Variants in EIF4G3 observed in about 807,000 individuals in gnomAD.
EIF4G3 encodes the protein eukaryotic translation initiation factor 4 gamma 3.
Under a neutral mutation model 186.4 loss-of-function variants are expected in EIF4G3, and 34 were observed. The ratio of observed to expected loss-of-function variants is 0.18; its 90% CI spans 0.14 to 0.24. The LOEUF (loss-of-function observed/expected upper bound fraction) is 0.24. Ranked by LOEUF, EIF4G3 falls within the 10% of genes least tolerant of loss-of-function variation. The pLI is 1.00. For missense variants in EIF4G3, 1,536 were observed against 1,948.5 expected, an observed-to-expected ratio of 0.79 and a Z score of 3.99; for synonymous variants, 673 against 679.5, an observed-to-expected ratio of 0.99 and a Z score of 0.15.
At chr1:21,006,653 C>T (rs1430351417) in intron 4 of EIF4G3, among the ~76,000 whole-genome samples, 4 of 152,152 alleles carry the variant, frequency 2.6e-5, no homozygotes, top group Non-Finnish European at 5.9e-5. Context: ...CCAATGAGAA[C>T]AGTCCTTATG....
intron 3 of EIF4G3, among the ~76,000 whole-genome samples, chr1:21,061,747 T>G (rs1261711265): frequency 2.0e-5 from 3 of 151,392 alleles, no homozygotes; most frequent in Non-Finnish European, 2.9e-5. Flanking sequence ...GCTTGTTTTT[T>G]TTTTTTTTTT....
At chr1:21,025,692 C>T (rs6694455) in intron 4 of EIF4G3, among the ~76,000 whole-genome samples, 66,335 of 151,948 alleles carry the variant, frequency 0.44, 14,827 homozygotes, top group Non-Finnish European at 0.47. Flanking sequence ...TTTTTTCTCT[C>T]AAGGCTTCTG....
At chr1:21,086,201 T>TG (rs1485560718) in intron 3 of EIF4G3, among the ~76,000 whole-genome samples, 5 of 132,118 alleles carry the variant, frequency 3.8e-5, no homozygotes, top group South Asian at 2.8e-4. Flanking sequence ...ATGATACTCT[T>TG]TTTTTTTTTT....
At chr1:20,974,053 C>A (rs1269787356) in intron 10 of EIF4G3, among the ~76,000 whole-genome samples, 3 of 152,160 alleles carry the variant, frequency 2.0e-5, no homozygotes, top group Non-Finnish European at 4.4e-5. Context: ...AGAGGTACTA[C>A]TTGCTAAGAT....
intron 2 of EIF4G3, among the ~76,000 whole-genome samples, chr1:21,152,895 G>A (rs1386900682): frequency 1.3e-5 from 2 of 152,340 alleles, no homozygotes. Flanking sequence ...GCTGAGGCAG[G>A]AGGATGGCTT....
chr1:21,168,824 A>C (rs1444810638), intron 2 of EIF4G3, among the ~76,000 whole-genome samples: 1 of 152,138 alleles, frequency 6.6e-6, no homozygotes, highest in Non-Finnish European at 1.5e-5. Context: ...ATGTATGACC[A>C]CTAATATTAA....
chr1:20,811,001 G>A, intron 35 of EIF4G3, 117 bp from the exon 36 acceptor site: 6 of 989,020 alleles, frequency 6.1e-6, no homozygotes, highest in East Asian at 2.7e-5. Context: ...CCAGGCTGGA[G>A]TGCAGTGGCA....
intron 18 of EIF4G3, among the ~76,000 whole-genome samples, chr1:20,887,188 T>C (rs1165589351): frequency 6.6e-6 from 1 of 151,994 alleles, no homozygotes; most frequent in African/African-American, 2.4e-5. Flanking sequence ...GATATATCAT[T>C]CTGTTAGTGC....
At chr1:20,864,801 G>T in intron 21 of EIF4G3, 89 bp from the exon 22 acceptor site, 3 of 1,138,386 alleles carry the variant, frequency 2.6e-6, no homozygotes, top group Non-Finnish European at 3.9e-6. Context: ...GAATCCCCGT[G>T]AGAATCTGAT....
In EIF4G3 at chr1:21,003,049, G is replaced by GC. The variant is rs2083970787; in HGVS notation, c.-66-242dup. ...CTTGCTCTGTCACCCGGGCTAGAGTGCAGTGGCACAATCACGGCTCACTGC... is the reference window on the plus strand; with the variant it reads ...CTTGCTCTGTCACCCGGGCTAGAGTGCCAGTGGCACAATCACGGCTCACTGC... On this transcript the variant is annotated intron_variant, in intron 4 of 36. Coordinates refer to ENST00000602326, the MANE Select transcript of EIF4G3 (RefSeq NM_001391906.1). Among the ~76,000 whole-genome samples the GC allele has an allele frequency of 4.7e-5, 7 of 149,768 alleles. No homozygotes were observed. The South Asian group carries it at 1.5e-3, about 32-fold the overall frequency.
intron 14 of EIF4G3, among the ~76,000 whole-genome samples, chr1:20,913,663 T>C (rs2093515331): frequency 6.6e-6 from 1 of 152,172 alleles, no homozygotes; most frequent in Non-Finnish European, 1.5e-5. Context: ...ACCTTTTGGT[T>C]TTATAAATTT....
intron 2 of EIF4G3, chr1:21,175,070 T>C (rs1310050406): frequency 1.3e-5 from 2 of 152,172 alleles, no homozygotes; most frequent in Non-Finnish European, 2.9e-5. Flanking sequence ...CTACAATCTC[T>C]AAAAGTCAAA....
At chr1:20,974,233 T>A (rs1461606362) in intron 10 of EIF4G3, among the ~76,000 whole-genome samples, 1 of 152,154 alleles carries the variant, frequency 6.6e-6, no homozygotes, top group African/African-American at 2.4e-5. Context: ...ATTCTGGAAT[T>A]CACAGAATAT....
At chr1:21,063,720 T>TGG (rs148563014) in intron 3 of EIF4G3, among the ~76,000 whole-genome samples, 1 of 54,852 alleles carries the variant, frequency 1.8e-5, no homozygotes, top group Non-Finnish European at 3.4e-5. Flanking sequence ...GGGGGGGTGT[T>TGG]GGGGGGGGGG....
intron 3 of EIF4G3, among the ~76,000 whole-genome samples, chr1:21,088,594 T>C (rs904135267): frequency 6.6e-6 from 1 of 151,674 alleles, no homozygotes; most frequent in African/African-American, 2.4e-5. Context: ...CCAAAAAGAA[T>C]ACAAAGCTGC....
chr1:21,055,688 TA>T (rs1188638118), intron 3 of EIF4G3, among the ~76,000 whole-genome samples: 1 of 151,906 alleles, frequency 6.6e-6, no homozygotes, highest in Non-Finnish European at 1.5e-5. Flanking sequence ...ATTAGGAACT[TA>T]AAGATATATC....
intron 19 of EIF4G3, among the ~76,000 whole-genome samples, 192 bp from the exon 20 acceptor site, chr1:20,879,712 CTGA>C (rs2081781495): frequency 6.6e-6 from 1 of 152,072 alleles, no homozygotes; most frequent in African/African-American, 2.4e-5. Flanking sequence ...CTTTTCACTA[CTGA>C]GGAGAATTCT....
intron 34 of EIF4G3, among the ~76,000 whole-genome samples, chr1:20,815,165 T>TC (rs2060253023): frequency 1.2e-5 from 1 of 85,246 alleles, no homozygotes; most frequent in Admixed American, 1.3e-4. Context: ...TGCCTTGGCC[T>TC]CCCAAAGAGC....
intron 16 of EIF4G3, among the ~76,000 whole-genome samples, chr1:20,896,823 T>C (rs2088341701): frequency 2.6e-5 from 4 of 152,206 alleles, no homozygotes. Flanking sequence ...TAGTTATATT[T>C]AGATACACAA....
Sources: allele counts gnomAD v4.1 joint callset (sites outside exome capture counted in the v4.1 genomes callset), GRCh38; gene constraint gnomAD v4.1.1; transcripts MANE v1.5; gene names NCBI Gene and HGNC (gene_info 2026-07-23, HGNC 2026-07-21).